KIAA1549: variants seen among roughly 807,000 people sequenced by gnomAD.
KIAA1549 encodes the protein UPF0606 protein KIAA1549.
Under a neutral mutation model 156.4 loss-of-function variants are expected in KIAA1549, and 70 were observed. The ratio of observed to expected loss-of-function variants is 0.45; its 90% CI spans 0.37 to 0.55. The LOEUF is 0.55. Ranked by LOEUF, KIAA1549 falls within the 20% of genes least tolerant of loss-of-function variation. The pLI is 0.00. For missense variants in KIAA1549, 2,428 were observed against 2,540.9 expected, an observed-to-expected ratio of 0.96 and a Z score of 0.96; for synonymous variants, 1,103 against 1,066.4, an observed-to-expected ratio of 1.03 and a Z score of -0.67.
chr7:138,894,727 T>A (rs998748834), intron 9 of KIAA1549, among the ~76,000 whole-genome samples: 1 of 152,110 alleles, frequency 6.6e-6, no homozygotes, highest in African/African-American at 2.4e-5. Context: ...ACATCAGGGA[T>A]CACAACGACA....
rs1382977075 is a variant in KIAA1549, at chr7:138,837,128, T to C, written c.*778A>G. On this transcript the variant is annotated 3_prime_UTR_variant, in exon 20 of 20. Transcript: ENST00000422774. ...AAGAATGTAGATCTAAACTTTGATC[T>C]GTATTTTGGATAATCAAATAAATAT... 3 of 227,226 alleles carry C rather than the reference T, an allele frequency of 1.3e-5. No individual in the cohort carries two copies. The highest frequency in any genetic ancestry group is 2.6e-5 in the Non-Finnish European group (3 of 114,490). The allele number at this position is 227,226 out of a possible 1,614,324, so 14.1% of individuals were successfully genotyped here. A position where few individuals can be genotyped will look rare whatever the true frequency, so the allele number is the denominator to read the frequency against.
chr7:138,846,533 C>CAAAAAAA (rs1213246866), intron 17 of KIAA1549, among the ~76,000 whole-genome samples: 5 of 59,994 alleles, frequency 8.3e-5, no homozygotes, highest in African/African-American at 1.3e-4. Flanking sequence ...GACTCCATCT[C>CAAAAAAA]AAAAAAAAAA....
At chr7:138,885,964 G>T (rs576253237) in intron 10 of KIAA1549, among the ~76,000 whole-genome samples, 52 of 152,208 alleles carry the variant, frequency 3.4e-4, no homozygotes, top group African/African-American at 1.2e-3. Flanking sequence ...GACAGTGTCG[G>T]AACTGAATTC....
At chr7:138,943,859 A>G (rs1813265213) in intron 1 of KIAA1549, among the ~76,000 whole-genome samples, 1 of 145,636 alleles carries the variant, frequency 6.9e-6, no homozygotes, top group Non-Finnish European at 1.5e-5. Context: ...AGAAAAAAAC[A>G]AAACAAAAAA....
Position 138,959,255 on chromosome 7 carries a change from G to A in KIAA1549, c.187+21828C>T, listed in dbSNP as rs145517745. Among the ~76,000 whole-genome samples, 1,170 of 152,108 alleles carry A rather than the reference G, an allele frequency of 7.7e-3. 17 individuals are homozygous for A. The highest frequency in any genetic ancestry group is 0.026 in the African/African-American group (1,095 of 41,480). On this transcript the variant is annotated intron_variant, in intron 1 of 19. Coordinates refer to ENST00000422774, the MANE Select transcript of KIAA1549 (RefSeq NM_001164665.2). ...GCTATACATTAATTCATTCCCTCTTGGCAATCAACTAAACATCAAGACTTA... is the reference window on the plus strand; with the variant it reads ...GCTATACATTAATTCATTCCCTCTTAGCAATCAACTAAACATCAAGACTTA...
At chr7:138,885,647 G>A (rs1439929393) in intron 10 of KIAA1549, among the ~76,000 whole-genome samples, 2 of 152,106 alleles carry the variant, frequency 1.3e-5, no homozygotes. Context: ...TCTTGGGCTC[G>A]TGCTTTCTCA....
intron 10 of KIAA1549, among the ~76,000 whole-genome samples, chr7:138,883,089 TAAAAA>T (rs1201752539): frequency 4.2e-5 from 2 of 47,064 alleles, no homozygotes; most frequent in Admixed American, 3.0e-4. Context: ...CCATCTCCCC[TAAAAA>T]AAAAAAAAAA....
In KIAA1549 at chr7:138,937,871, A is replaced by C. The variant is rs1488709580; in HGVS notation, c.188-18433T>G. On this transcript the variant is annotated intron_variant, in intron 1 of 19. Coordinates refer to ENST00000422774, the MANE Select transcript of KIAA1549 (RefSeq NM_001164665.2). ...CTGCAGAAAGATGATCATTGGGGTC[A>C]AATGACACCATCAAGGAAGGTGGGG... 2.0e-5 allele frequency among the ~76,000 whole-genome samples: 3 copies of C among 152,190 alleles called. No homozygotes were observed. In the East Asian group the frequency reaches 5.8e-4, roughly 29 times the overall value.
intron 2 of KIAA1549, among the ~76,000 whole-genome samples, chr7:138,915,448 G>A (rs974039430): frequency 1.3e-5 from 2 of 152,038 alleles, no homozygotes; most frequent in African/African-American, 4.8e-5. Flanking sequence ...CCTTTGGCGT[G>A]TGGGGAGCAA....
rs78076806 is a variant in KIAA1549, at chr7:138,831,870, G to A, written c.*6036C>T. 989 of 232,854 alleles carry A rather than the reference G, an allele frequency of 4.2e-3. 12 individuals carry two copies. Among genetic ancestry groups the A allele is most frequent in the African/African-American group, 0.02 (920 of 45,408 alleles). 14.4% of individuals were successfully genotyped at this position (232,854 alleles called of 1,614,324 possible). The stretch of plus-strand genomic sequence containing the variant: ...TCCGGAGGAGGGCAAAGTCGAGGGC[G>A]TTCCCACTCCCCTTTTCTGAAACAA... On this transcript the variant is annotated 3_prime_UTR_variant, in exon 20 of 20. Coordinates refer to ENST00000422774, the MANE Select transcript of KIAA1549 (RefSeq NM_001164665.2).
intron 1 of KIAA1549, among the ~76,000 whole-genome samples, chr7:138,953,479 G>A (rs1401559069): frequency 1.3e-5 from 2 of 152,074 alleles, no homozygotes; most frequent in Non-Finnish European, 1.5e-5. Flanking sequence ...ACATTTTTAA[G>A]AAGGGTCATC....
At chr7:138,844,164 C>T (rs1300411595) in intron 18 of KIAA1549, among the ~76,000 whole-genome samples, 153 bp downstream of exon 18, 1 of 152,140 alleles carries the variant, frequency 6.6e-6, no homozygotes, top group African/African-American at 2.4e-5. Context: ...CCTCTCTCTC[C>T]GCCTCCATCT....
At position 138,863,276 on chromosome 7, in the gene KIAA1549, C is replaced by T. The variant is rs553088847; in HGVS notation, c.4930-1820G>A. On this transcript the variant is annotated intron_variant, in intron 15 of 19. Transcript: ENST00000422774. ...TCTATCTAGAATGCTTCACTTGCCA[C>T]GTGCCTGCAGTTTAGCCCAGCTAGT... Among the ~76,000 whole-genome samples the T allele has an allele frequency of 4.0e-5, 6 of 151,560 alleles. No homozygotes were observed. The East Asian group carries it at 5.8e-4, about 15-fold the overall frequency.
At chr7:138,920,739 T>C (rs1584758264) in intron 1 of KIAA1549, among the ~76,000 whole-genome samples, 1 of 152,204 alleles carries the variant, frequency 6.6e-6, no homozygotes, top group African/African-American at 2.4e-5. Flanking sequence ...ACTATCAAAA[T>C]GCATAACAAC....
chr7:138,873,948 T>C (rs1811007631), intron 12 of KIAA1549, among the ~76,000 whole-genome samples: 1 of 141,868 alleles, frequency 7.0e-6, no homozygotes. Context: ...ATATCACACA[T>C]ATATATTATA....
chr7:138,857,883 T>C (rs748654656), intron 16 of KIAA1549, among the ~76,000 whole-genome samples: 7 of 152,248 alleles, frequency 4.6e-5, no homozygotes, highest in Non-Finnish European at 1.0e-4. Flanking sequence ...ACTTGTATCT[T>C]TGTATTTAAT....
chr7:138,980,192 G>T (rs900752457), intron 1 of KIAA1549, among the ~76,000 whole-genome samples: 1 of 152,134 alleles, frequency 6.6e-6, no homozygotes, highest in African/African-American at 2.4e-5. Context: ...TTCCTTTTCC[G>T]CCTCAAAGTG....
At chr7:138,927,237 T>C (rs1318474905) in intron 1 of KIAA1549, among the ~76,000 whole-genome samples, 1 of 152,256 alleles carries the variant, frequency 6.6e-6, no homozygotes, top group Non-Finnish European at 1.5e-5. Flanking sequence ...CTACTGCCAA[T>C]GTTTGTTATT....
chr7:138,848,318 G>A (rs893159550), intron 17 of KIAA1549, among the ~76,000 whole-genome samples: 1 of 152,214 alleles, frequency 6.6e-6, no homozygotes, highest in Non-Finnish European at 1.5e-5. Context: ...TATTTGCCAA[G>A]ATACCTTTTA....
Sources: gnomAD v4.1 joint callset for allele counts (sites outside exome capture counted in the v4.1 genomes callset) on GRCh38, gnomAD v4.1.1 for gene constraint, MANE v1.5 for transcripts, NCBI Gene and HGNC (gene_info 2026-07-23, HGNC 2026-07-21) for gene names.